The following ITGB6 variants were observed in gnomAD, a reference collection of about 807,000 sequenced individuals.
ITGB6 encodes integrin beta-6.
A neutral mutation model predicts 84.5 loss-of-function variants in ITGB6; 80 were observed. The observed-to-expected ratio is 0.95, with a 90% CI of 0.79 to 1.14. ITGB6 has a LOEUF of 1.14. Ranked by LOEUF, ITGB6 falls within the 50% of genes most tolerant of loss-of-function variation. The probability of loss-of-function intolerance (pLI) is 0.00; values close to 1 mark genes in which losing one functional copy is unlikely to be tolerated. For synonymous variants in ITGB6, 383 were observed against 354.9 expected (o/e 1.08, Z -0.89); for missense variants, 1,006 against 968.0 (o/e 1.04, Z -0.52).
At position 160,112,083 on chromosome 2, in the gene ITGB6, T is replaced by C. The variant is rs895658072; in HGVS notation, c.2098A>G (p.Lys700Glu). The change falls in exon 13 of 15, where the codon AAA becomes GAA. Residue 700 changes from lysine (K) to glutamate (E), a missense_variant. Lys to Glu is a moderately conservative substitution (Grantham distance 56, BLOSUM62 1). Coordinates refer to ENST00000283249, the MANE Select transcript of ITGB6 (RefSeq NM_000888.5). ...GKTIIHSINE[K>E]DCPKPPNIPM... ...CAATGGAAGGCAAAACACCCACCTT[T>C]TTCATTGATGCTGTGAATGATGGTT... 6 of 1,612,106 alleles carry C rather than the reference T, an allele frequency of 3.7e-6. No homozygotes were observed. The highest frequency in any genetic ancestry group is 5.1e-6 in the Non-Finnish European group (6 of 1,179,702).
At chr2:160,109,979 A>G (rs920740949) in intron 13 of ITGB6, among the ~76,000 whole-genome samples, 36 of 152,372 alleles carry the variant, frequency 2.4e-4, no homozygotes, top group Admixed American at 2.2e-3. Flanking sequence ...ATAACATCGT[A>G]AATAAAATTC....
chr2:160,169,418 G>C (rs1312912634), intron 6 of ITGB6, 111 bp from the exon 7 acceptor site: 3 of 602,906 alleles, frequency 5.0e-6, no homozygotes, highest in Non-Finnish European at 5.9e-6. Context: ...ATGCTCACAG[G>C]CATTATAGCT....
At chr2:160,143,096 T>A (rs1002897179) in intron 7 of ITGB6, among the ~76,000 whole-genome samples, 2 of 152,170 alleles carry the variant, frequency 1.3e-5, no homozygotes, top group African/African-American at 4.8e-5. Context: ...GAGACCAGCC[T>A]GGCCAACATG....
At chr2:160,117,802 G>A (rs1403973525) in intron 12 of ITGB6, among the ~76,000 whole-genome samples, 4 of 151,926 alleles carry the variant, frequency 2.6e-5, no homozygotes, top group Non-Finnish European at 5.9e-5. Flanking sequence ...AGAAGAATCA[G>A]ATAGATGCAA....
At chr2:160,193,186 T>C (rs1428584580) in intron 4 of ITGB6, among the ~76,000 whole-genome samples, 1 of 152,192 alleles carries the variant, frequency 6.6e-6, no homozygotes, top group African/African-American at 2.4e-5. Context: ...ACGCAAGTGC[T>C]CATAGCAGCC....
chr2:160,132,205 A>C (rs1244615031), intron 10 of ITGB6, among the ~76,000 whole-genome samples: 3 of 152,100 alleles, frequency 2.0e-5, no homozygotes, highest in African/African-American at 7.2e-5. Flanking sequence ...CATCTGCATC[A>C]TGTGAAAAGA....
intron 4 of ITGB6, among the ~76,000 whole-genome samples, chr2:160,192,912 G>A (rs1452094865): frequency 1.3e-5 from 2 of 152,028 alleles, no homozygotes; most frequent in Non-Finnish European, 2.9e-5. Flanking sequence ...TTATTAAGGA[G>A]ATGCAAATTA....
intron 14 of ITGB6, among the ~76,000 whole-genome samples, chr2:160,106,459 C>A (rs1696910478): frequency 6.6e-6 from 1 of 152,120 alleles, no homozygotes; most frequent in African/African-American, 2.4e-5. Flanking sequence ...AACTCGAACT[C>A]CTGAGCTCAA....
At chr2:160,135,104 G>A (rs1353701655) in intron 10 of ITGB6, among the ~76,000 whole-genome samples, 2 of 151,530 alleles carry the variant, frequency 1.3e-5, no homozygotes, top group African/African-American at 2.4e-5. Context: ...AGGAAAAGAG[G>A]AAGTCAAATT....
chr2:160,165,120 C>T (rs145492639), intron 7 of ITGB6, among the ~76,000 whole-genome samples: 11 of 152,248 alleles, frequency 7.2e-5, no homozygotes, highest in Admixed American at 3.3e-4. Flanking sequence ...CAGAAGTGGT[C>T]GTTTTACTCC....
At chr2:160,143,936 G>C (rs1365082158) in intron 7 of ITGB6, among the ~76,000 whole-genome samples, 1 of 152,164 alleles carries the variant, frequency 6.6e-6, no homozygotes, top group East Asian at 1.9e-4. Flanking sequence ...GGAAAAATGG[G>C]TTTTGGTTTT....
At chr2:160,121,456 A>G (rs939779359) in intron 12 of ITGB6, among the ~76,000 whole-genome samples, 2 of 152,186 alleles carry the variant, frequency 1.3e-5, no homozygotes, top group Non-Finnish European at 2.9e-5. Flanking sequence ...TTGAGAAACA[A>G]TTCTCTGAGT....
At chr2:160,137,343 G>T in intron 10 of ITGB6, 91 bp downstream of exon 10, 1 of 1,205,958 alleles carries the variant, frequency 8.3e-7, no homozygotes, top group Non-Finnish European at 1.2e-6. Context: ...AGCACCTACT[G>T]TGCCCAGGAA....
At chr2:160,107,590 T>C (rs1191551862) in intron 14 of ITGB6, 89 bp downstream of exon 14, 8 of 1,188,944 alleles carry the variant, frequency 6.7e-6, no homozygotes, top group Non-Finnish European at 8.5e-6. Context: ...ACATTTGAAC[T>C]CCCAGAGCAG....
intron 4 of ITGB6, among the ~76,000 whole-genome samples, chr2:160,194,052 G>A (rs957647993): frequency 7.2e-5 from 11 of 152,134 alleles, no homozygotes; most frequent in South Asian, 4.1e-4. Context: ...AGCTACTCGG[G>A]AGGCTGACAC....
At position 160,157,097 on chromosome 2, in the gene ITGB6, C is replaced by T. The variant is rs147383671; in HGVS notation, c.1017+12115G>A. ...TGTAGATGCAGCTCTCCAGTCTCTGCGTCCATTGTCACATGATGTTCTCCC... is the reference window on the plus strand; with the variant it reads ...TGTAGATGCAGCTCTCCAGTCTCTGTGTCCATTGTCACATGATGTTCTCCC... On this transcript the variant is annotated intron_variant, in intron 7 of 14. Transcript: ENST00000283249. Among the ~76,000 whole-genome samples, 1,134 of 152,288 alleles carry T rather than the reference C, an allele frequency of 7.4e-3. 3 individuals are homozygous for T. The highest frequency in any genetic ancestry group is 0.014 in the Middle Eastern group (4 of 294).
chr2:160,106,300 A>G (rs1696904997), intron 14 of ITGB6, among the ~76,000 whole-genome samples: 1 of 152,138 alleles, frequency 6.6e-6, no homozygotes, highest in Non-Finnish European at 1.5e-5. Context: ...ATGCAATGGC[A>G]TGATCATGGC....
chr2:160,160,371 C>T (rs1684772221), intron 7 of ITGB6, among the ~76,000 whole-genome samples: 1 of 152,098 alleles, frequency 6.6e-6, no homozygotes, highest in African/African-American at 2.4e-5. Context: ...ACTGGATCTC[C>T]TGGATTTTTA....
chr2:160,158,923 AC>A (rs1250363905), intron 7 of ITGB6, among the ~76,000 whole-genome samples: 4 of 151,802 alleles, frequency 2.6e-5, no homozygotes, highest in Non-Finnish European at 5.9e-5. Context: ...ATATGGTGAA[AC>A]CCCGTCTCTA....
Sources: gnomAD v4.1 joint callset for allele counts (sites outside exome capture counted in the v4.1 genomes callset) on GRCh38, gnomAD v4.1.1 for gene constraint, MANE v1.5 for transcripts, NCBI Gene and HGNC (gene_info 2026-07-23, HGNC 2026-07-21) for gene names.